The following MUC7 variants were observed in gnomAD, a reference collection of about 807,000 sequenced individuals.
MUC7 encodes mucin-7.
A neutral mutation model predicts 2.5 loss-of-function variants in MUC7; 2 were observed. The observed-to-expected ratio is 0.81, with a 90% CI of 0.33 to 2.55. The LOEUF (loss-of-function observed/expected upper bound fraction) is 2.55. Among genes scored for constraint, MUC7 ranks in the 30% most tolerant of loss-of-function variants. The pLI is 0.11. For missense variants in MUC7, 408 were observed against 455.6 expected, an observed-to-expected ratio of 0.90 and a Z score of 0.95; for synonymous variants, 133 against 173.4, an observed-to-expected ratio of 0.77 and a Z score of 1.83.
chr4:70,464,020 G>A lies in MUC7; in HGVS notation c.-92-8195G>A, dbSNP rs150190693. ...CCCAGTGAGATCAACACGGAAGGTG[G>A]GTGATTTCTGCATTTCCAACTGAGA... On this transcript the variant is annotated intron_variant, in intron 1 of 3. Coordinates refer to the MUC7 transcript ENST00000413702. Among the ~76,000 whole-genome samples the A allele has an allele frequency of 3.3e-5, 5 of 152,302 alleles. No homozygotes were observed. In the East Asian group the frequency reaches 5.8e-4, roughly 18 times the overall value.
At chr4:70,454,323 C>CT (rs1255471358) in intron 1 of MUC7, among the ~76,000 whole-genome samples, 2 of 152,224 alleles carry the variant, frequency 1.3e-5, no homozygotes, top group Non-Finnish European at 2.9e-5. Context: ...CAATTTTCAA[C>CT]TGCTGGAATG....
chr4:70,440,527 C>T (rs970836927), intron 1 of MUC7, among the ~76,000 whole-genome samples: 1 of 152,020 alleles, frequency 6.6e-6, no homozygotes, highest in Non-Finnish European at 1.5e-5. Context: ...TAAAACCTAA[C>T]ATTTGATAGA....
At chr4:70,476,585 G>A (rs1340931000) in intron 2 of MUC7, among the ~76,000 whole-genome samples, 3 of 152,076 alleles carry the variant, frequency 2.0e-5, no homozygotes, top group African/African-American at 4.8e-5. Flanking sequence ...TCAGGAGTTC[G>A]AGACCAGCCT....
chr4:70,432,923 G>T (rs1733720114), intron 1 of MUC7, among the ~76,000 whole-genome samples: 1 of 152,090 alleles, frequency 6.6e-6, no homozygotes, highest in Admixed American at 6.6e-5. Flanking sequence ...GTAAGGAAGG[G>T]ATCCAGTTTC....
At position 70,481,888 on chromosome 4, in the gene MUC7, T is replaced by C; in HGVS notation, c.*10T>C. The C allele has an allele frequency of 1.2e-6, 2 of 1,606,990 alleles. No individual in the cohort carries two copies. Among genetic ancestry groups the C allele is most frequent in the Non-Finnish European group, 1.7e-6 (2 of 1,176,190 alleles). ...CATGGTGGAGCAATAGTATATTGTA[T>C]GTTGTAAAGTGTTCTGTCATTTACA... On this transcript the variant is annotated 3_prime_UTR_variant, in exon 3 of 3. Transcript: ENST00000304887.
chr4:70,480,105 T>A (rs1174551222), intron 2 of MUC7, among the ~76,000 whole-genome samples: 1 of 152,206 alleles, frequency 6.6e-6, no homozygotes, highest in Non-Finnish European at 1.5e-5. Flanking sequence ...AAACCATTGG[T>A]GCTCTATCCA....
chr4:70,478,677 C>A (rs761312953), intron 2 of MUC7, among the ~76,000 whole-genome samples: 1 of 152,104 alleles, frequency 6.6e-6, no homozygotes, highest in Non-Finnish European at 1.5e-5. Flanking sequence ...AAGGGAAAGA[C>A]CGAGATCATG....
intron 1 of MUC7, among the ~76,000 whole-genome samples, chr4:70,432,239 T>C (rs899568686): frequency 6.6e-6 from 1 of 152,234 alleles, no homozygotes; most frequent in African/African-American, 2.4e-5. Flanking sequence ...GCAGCATGAT[T>C]TATAATCCTT....
intron 1 of MUC7, among the ~76,000 whole-genome samples, chr4:70,454,421 G>T (rs1464854018): frequency 6.6e-6 from 1 of 152,124 alleles, no homozygotes; most frequent in Non-Finnish European, 1.5e-5. Context: ...TTTGTGCTGT[G>T]ACCCAGGGAA....
chr4:70,462,383 A>C (rs1413582479), intron 1 of MUC7, among the ~76,000 whole-genome samples: 1 of 152,176 alleles, frequency 6.6e-6, no homozygotes, highest in Non-Finnish European at 1.5e-5. Flanking sequence ...TTTCAATGTC[A>C]CCTTATCCAT....
chr4:70,471,917 C>T (rs896622178), upstream of MUC7: 1 of 152,034 alleles, frequency 6.6e-6, no homozygotes, highest in African/African-American at 2.4e-5. Flanking sequence ...TTGGGAGGAC[C>T]TGGGCCATGG....
chr4:70,466,216 T>C (rs1448552156), intron 1 of MUC7, among the ~76,000 whole-genome samples: 1 of 152,082 alleles, frequency 6.6e-6, no homozygotes, highest in African/African-American at 2.4e-5. Context: ...TGCTGAGAGA[T>C]TTTGTCACCA....
At chr4:70,449,402 G>A (rs1480339353) in intron 1 of MUC7, among the ~76,000 whole-genome samples, 2 of 152,094 alleles carry the variant, frequency 1.3e-5, no homozygotes, top group Admixed American at 1.3e-4. Flanking sequence ...AAAACCACTA[G>A]ATCTCATGAG....
At chr4:70,458,758 T>A (rs1734471545) in intron 1 of MUC7, among the ~76,000 whole-genome samples, 1 of 152,050 alleles carries the variant, frequency 6.6e-6, no homozygotes, top group South Asian at 2.1e-4. Context: ...CAAACAAAAA[T>A]TCTCAGATTA....
At chr4:70,441,990 TGTGGAACA>T (rs1734019189) in intron 1 of MUC7, among the ~76,000 whole-genome samples, 1 of 152,116 alleles carries the variant, frequency 6.6e-6, no homozygotes, top group South Asian at 2.1e-4. Context: ...TTCAAAAAAA[TGTGGAACA>T]GCGAAAGGAC....
chr4:70,446,577 C>G (rs1734144461), intron 1 of MUC7, among the ~76,000 whole-genome samples: 1 of 152,180 alleles, frequency 6.6e-6, no homozygotes, highest in African/African-American at 2.4e-5. Flanking sequence ...GGAGCCCATC[C>G]TACTCAAATA....
At chr4:70,447,017 G>C (rs1166227780) in intron 1 of MUC7, among the ~76,000 whole-genome samples, 1 of 127,132 alleles carries the variant, frequency 7.9e-6, no homozygotes, top group Non-Finnish European at 1.6e-5. Flanking sequence ...AAATGAGAAA[G>C]ACATCCCAAC....
chr4:70,437,974 G>C (rs986115728), intron 1 of MUC7, among the ~76,000 whole-genome samples: 2 of 152,200 alleles, frequency 1.3e-5, no homozygotes. Flanking sequence ...TATATAAAGA[G>C]CTAGCTTTGG....
At chr4:70,464,322 C>T (rs1407928745) in intron 1 of MUC7, among the ~76,000 whole-genome samples, 1 of 152,144 alleles carries the variant, frequency 6.6e-6, no homozygotes, top group Non-Finnish European at 1.5e-5. Flanking sequence ...ATTGGGTGGT[C>T]ATTTGGGCAG....
Sources: allele counts gnomAD v4.1 joint callset (sites outside exome capture counted in the v4.1 genomes callset), GRCh38; gene constraint gnomAD v4.1.1; transcripts MANE v1.5; gene names NCBI Gene and HGNC (gene_info 2026-07-23, HGNC 2026-07-21).